The following DNAH5 variants were observed in gnomAD, a reference collection of about 807,000 sequenced individuals.
The protein encoded by DNAH5 is axonemal beta dynein heavy chain 5.
DNAH5 carries 372 observed loss-of-function variants against 518.2 expected under a neutral mutation model. The ratio of observed to expected loss-of-function variants is 0.72; its 90% confidence interval spans 0.66 to 0.78. The LOEUF (loss-of-function observed/expected upper bound fraction) is 0.78. Among genes scored for constraint, DNAH5 ranks in the 30% least tolerant of loss-of-function variants. The pLI, the probability that DNAH5 is intolerant of heterozygous loss-of-function variation, is 0.00. For synonymous variants in DNAH5, 2,039 were observed against 2,025.9 expected (o/e 1.01, Z -0.17); for missense variants, 5,523 against 5,687.0 (o/e 0.97, Z 0.93).
At chr5:13,757,600 G>A (rs1451578542) in intron 61 of DNAH5, among the ~76,000 whole-genome samples, 1 of 152,118 alleles carries the variant, frequency 6.6e-6, no homozygotes, top group East Asian at 1.9e-4. Context: ...TATCCACAGA[G>A]TGAAGAGACA....
chr5:13,762,783 C>T lies in DNAH5; in HGVS notation c.10220G>A (p.Cys3407Tyr). The change falls in exon 60 of 79, where the codon TGT (cysteine) becomes TAT (tyrosine). Residue 3407 changes from cysteine (C) to tyrosine (Y), a missense_variant. This residue lies in a region of DNAH5 where 5,121 missense variants were observed against 5,223.3 expected (regional missense o/e 0.98). Coordinates refer to ENST00000265104, the MANE Select transcript of DNAH5 (RefSeq NM_001369.3). ...KRVCGNVAGLCSWTKAMASFF... is the reference protein window; with the variant it reads ...KRVCGNVAGLYSWTKAMASFF... ...GGAAGCCATAGCTTTCGTCCAGGAACAAAGACCAGCTACATTTCCACATAC... is the reference window on the plus strand; with the variant it reads ...GGAAGCCATAGCTTTCGTCCAGGAATAAAGACCAGCTACATTTCCACATAC... 6.2e-7 allele frequency: 1 copy of T among 1,614,178 alleles called. No individual in the cohort carries two copies. Among genetic ancestry groups the T allele is most frequent in the Non-Finnish European group, 8.5e-7 (1 of 1,180,014 alleles).
At chr5:13,731,746 C>T (rs936954802) in intron 68 of DNAH5, among the ~76,000 whole-genome samples, 2 of 152,124 alleles carry the variant, frequency 1.3e-5, no homozygotes, top group Non-Finnish European at 2.9e-5. Flanking sequence ...CAAGCTATGC[C>T]ACACAATCAT....
intron 21 of DNAH5, among the ~76,000 whole-genome samples, chr5:13,879,420 A>G (rs781467783): frequency 6.6e-6 from 1 of 152,184 alleles, no homozygotes; most frequent in Non-Finnish European, 1.5e-5. Flanking sequence ...CTGTAAGTCA[A>G]ACTATTCTAA....
intron 15 of DNAH5, 98 bp downstream of exon 15, chr5:13,900,108 G>A: frequency 4.4e-6 from 5 of 1,128,446 alleles, no homozygotes; most frequent in South Asian, 4.2e-5. Flanking sequence ...ATTCATCCTG[G>A]CCACTTTCTG....
At chr5:13,947,873 G>T (rs925133760), upstream of DNAH5, among the ~76,000 whole-genome samples, 1 of 152,172 alleles carries the variant, frequency 6.6e-6, no homozygotes, top group Non-Finnish European at 1.5e-5. Flanking sequence ...CCCATCAAGC[G>T]CTGCACATTT....
chr5:13,855,208 T>TAATGCCCATACTCTTCAATAGTGGGAGAC (rs1580603791), intron 30 of DNAH5, among the ~76,000 whole-genome samples: 16 of 84,688 alleles, frequency 1.9e-4, no homozygotes, highest in East Asian at 5.5e-4. Context: ...TCTTACATTT[T>TAATGCCCATACTCTTCAATAGTGGGAGAC]TTTTTTTTTT....
In DNAH5 at chr5:13,691,955, A is replaced by G. The variant is rs1740745865; in HGVS notation, c.*29T>C. ...AATAATTTAGATCTTGCATTTTCCA[A>G]AGCATTGGGTGGGGACACTCCCCAC... is the stretch of plus-strand genomic sequence containing the variant. On this transcript the variant is annotated 3_prime_UTR_variant, in exon 79 of 79. Coordinates refer to ENST00000265104, the MANE Select transcript of DNAH5 (RefSeq NM_001369.3). The G allele has an allele frequency of 6.2e-7, 1 of 1,613,846 alleles. No homozygotes were observed. Among genetic ancestry groups the G allele is most frequent in the African/African-American group, 1.3e-5 (1 of 74,908 alleles).
Position 13,901,337 on chromosome 5 carries a change from G to A in DNAH5, c.1967C>T (p.Ala656Val), listed in dbSNP as rs147911274. The change falls in exon 14 of 79, where the codon GCC becomes GTC. Residue 656 changes from alanine (A) to valine (V), a missense_variant. By Grantham distance (64) the Ala-to-Val change is moderately conservative. This residue lies in a region of DNAH5 where 5,121 missense variants were observed against 5,223.3 expected (regional missense o/e 0.98). Coordinates refer to ENST00000265104, the MANE Select transcript of DNAH5 (RefSeq NM_001369.3). ...QHPAVLSTAE[A>V]KPIIRSYNRM... Reference sequence around the variant, plus strand: ...GTTGTAACTGCGAATTATAGGTTTGGCTTCTGCCGTGCTTAGCACAGCTGG... The same window carrying A: ...GTTGTAACTGCGAATTATAGGTTTGACTTCTGCCGTGCTTAGCACAGCTGG... 2.2e-5 allele frequency: 36 copies of A among 1,614,050 alleles called. No individual in the cohort carries two copies. The African/African-American group carries it at 4.0e-4, about 18-fold the overall frequency.
At chr5:13,857,694 T>G (rs918590732) in intron 30 of DNAH5, among the ~76,000 whole-genome samples, 1 of 152,056 alleles carries the variant, frequency 6.6e-6, no homozygotes, top group African/African-American at 2.4e-5. Flanking sequence ...AACAGAAGCT[T>G]CAGAAATAAC....
chr5:13,944,293 G>T, intron 1 of DNAH5, 89 bp downstream of exon 1: 2 of 1,302,030 alleles, frequency 1.5e-6, no homozygotes, highest in African/African-American at 1.4e-5. Flanking sequence ...GTGTGACTTT[G>T]AACCTTTTTC....
chr5:13,885,866 T>C (rs1231134350), intron 18 of DNAH5, 98 bp downstream of exon 18: 8 of 1,131,916 alleles, frequency 7.1e-6, no homozygotes, highest in Non-Finnish European at 1.0e-5. Flanking sequence ...AGAGGATGTT[T>C]ATAGAAGTAT....
intron 61 of DNAH5, among the ~76,000 whole-genome samples, chr5:13,756,469 G>GA (rs567313028): frequency 6.6e-6 from 1 of 152,144 alleles, no homozygotes; most frequent in Non-Finnish European, 1.5e-5. Flanking sequence ...AAACAATAAA[G>GA]CTTGCTGAAT....
At chr5:13,819,203 T>C (rs9312844) in intron 41 of DNAH5, among the ~76,000 whole-genome samples, 62,779 of 151,972 alleles carry the variant, frequency 0.41, 13,293 homozygotes, top group East Asian at 0.61. Context: ...AGAACACAAT[T>C]ATTTAAGAAA....
chr5:13,767,258 G>C (rs765572570), intron 58 of DNAH5, among the ~76,000 whole-genome samples: 1 of 152,078 alleles, frequency 6.6e-6, no homozygotes. Context: ...CTGAATAGCT[G>C]GGACTACAGG....
intron 15 of DNAH5, chr5:13,898,339 CTTATAA>C (rs1774166500): frequency 5.3e-6 from 2 of 380,784 alleles, no homozygotes; most frequent in Non-Finnish European, 9.2e-6. Context: ...ATTCCATAAT[CTTATAA>C]TTATAGTTTC....
At chr5:13,758,308 G>A (rs1751291541) in intron 61 of DNAH5, among the ~76,000 whole-genome samples, 3 of 152,082 alleles carry the variant, frequency 2.0e-5, no homozygotes, top group Non-Finnish European at 4.4e-5. Flanking sequence ...TTCGAGACCA[G>A]CCTGGGCAAT....
chr5:13,773,074 A>G (rs966276409), intron 55 of DNAH5, among the ~76,000 whole-genome samples: 1 of 152,180 alleles, frequency 6.6e-6, no homozygotes, highest in Non-Finnish European at 1.5e-5. Context: ...AAGATTTTCT[A>G]TTTATTGAAG....
At chr5:13,749,010 C>T (rs557466648) in intron 65 of DNAH5, among the ~76,000 whole-genome samples, 1 of 151,932 alleles carries the variant, frequency 6.6e-6, no homozygotes, top group Non-Finnish European at 1.5e-5. Context: ...CCCATCTGCA[C>T]CACCCAGACT....
At chr5:13,918,905 A>AT (rs750407766) in intron 7 of DNAH5, among the ~76,000 whole-genome samples, 3 of 152,114 alleles carry the variant, frequency 2.0e-5, no homozygotes, top group Non-Finnish European at 4.4e-5. Context: ...TAAAACATAG[A>AT]TATATATATA....
Sources: allele counts gnomAD v4.1 joint callset (sites outside exome capture counted in the v4.1 genomes callset), GRCh38; gene constraint gnomAD v4.1.1; regional missense constraint gnomAD v4.1.1; transcripts MANE v1.5; gene names NCBI Gene and HGNC (gene_info 2026-07-23, HGNC 2026-07-21).